Variants in MANBA observed in about 807,000 individuals in gnomAD.
The protein encoded by MANBA is mannosidase beta, also known as beta-mannosidase.
Under a neutral mutation model 111.1 loss-of-function variants are expected in MANBA, and 83 were observed. That is an observed-to-expected ratio of 0.75 (90% CI 0.63 to 0.90). The LOEUF (loss-of-function observed/expected upper bound fraction) is 0.90, where lower values mean the gene tolerates loss of function less well. Among genes scored for constraint, MANBA ranks in the 40% least tolerant of loss-of-function variants. MANBA has a pLI of 0.00. For synonymous variants in MANBA, 370 were observed against 378.7 expected (o/e 0.98, Z 0.27); for missense variants, 1,036 against 1,069.0 (o/e 0.97, Z 0.43).
At chr4:102,737,033 G>A (rs376660298) in intron 1 of MANBA, among the ~76,000 whole-genome samples, 76 of 152,216 alleles carry the variant, frequency 5.0e-4, no homozygotes, top group African/African-American at 1.6e-3. Flanking sequence ...TAATAGTACC[G>A]AGAAAAGAAG....
Position 102,664,980 on chromosome 4 carries a change from T to C in MANBA, c.1318-128A>G. The C allele has an allele frequency of 5.8e-6, 4 of 684,058 alleles. No homozygotes were observed. The South Asian group carries it at 7.2e-5, about 12-fold the overall frequency. 42.4% of individuals were successfully genotyped at this position (684,058 alleles called of 1,614,324 possible). On this transcript the variant is annotated intron_variant, in intron 10 of 16. Transcript: ENST00000647097. Reference sequence around the variant, plus strand: ...ATTCTTATGTGCCAAAAACCTAATTTGAAAATGGCTAGTCATGTTAGCTGC... The same window carrying C: ...ATTCTTATGTGCCAAAAACCTAATTCGAAAATGGCTAGTCATGTTAGCTGC...
intron 1 of MANBA, among the ~76,000 whole-genome samples, chr4:102,733,345 C>T (rs935645037): frequency 6.7e-6 from 1 of 149,468 alleles, no homozygotes; most frequent in Non-Finnish European, 1.5e-5. Context: ...GAAGTCCTCT[C>T]TGCATTTTTT....
At chr4:102,659,524 C>T (rs369704149) in intron 11 of MANBA, among the ~76,000 whole-genome samples, 1 of 152,232 alleles carries the variant, frequency 6.6e-6, no homozygotes, top group Non-Finnish European at 1.5e-5. Flanking sequence ...CTATAGCCAA[C>T]AAACTATCTT....
intron 5 of MANBA, among the ~76,000 whole-genome samples, chr4:102,708,631 G>A (rs1229116152): frequency 6.6e-6 from 1 of 151,674 alleles, no homozygotes. Context: ...AAAATTAGAA[G>A]AAGAAAAGTG....
At chr4:102,722,293 T>C (rs1176227689) in intron 4 of MANBA, 1 of 156,608 alleles carries the variant, frequency 6.4e-6, no homozygotes, top group Admixed American at 6.2e-5. Context: ...TTAAAATTTT[T>C]AAAATATGAA....
At chr4:102,653,209 C>T (rs1049805191) in intron 12 of MANBA, among the ~76,000 whole-genome samples, 1 of 148,288 alleles carries the variant, frequency 6.7e-6, no homozygotes, top group African/African-American at 2.5e-5. Context: ...CGCGCATATG[C>T]AGATCTACAT....
intron 9 of MANBA, among the ~76,000 whole-genome samples, chr4:102,669,754 G>C (rs1164144582): frequency 6.6e-6 from 1 of 152,204 alleles, no homozygotes; most frequent in African/African-American, 2.4e-5. Context: ...GCCAAGGTGG[G>C]CAGATCACGA....
chr4:102,688,386 TACAC>T (rs70937563), intron 7 of MANBA, among the ~76,000 whole-genome samples: 243 of 140,540 alleles, frequency 1.7e-3, no homozygotes, highest in Admixed American at 4.1e-3. Flanking sequence ...CCTCCCCCCT[TACAC>T]ACACACACAC....
At chr4:102,748,711 G>A (rs1314703879) in intron 1 of MANBA, among the ~76,000 whole-genome samples, 1 of 152,068 alleles carries the variant, frequency 6.6e-6, no homozygotes. Context: ...TCAGGAGTTC[G>A]AGACCAGCCT....
chr4:102,760,848 G>A lies in MANBA; in HGVS notation c.47C>T (p.Thr16Ile), dbSNP rs1256826225. ...GCTGTAACTGAGCTCCGCGGCGGTGGTGCCTGCACCGCACAGCGCGAGCAG... is the reference window on the plus strand; with the variant it reads ...GCTGTAACTGAGCTCCGCGGCGGTGATGCCTGCACCGCACAGCGCGAGCAG... ...LLLLALCGAG[T>I]TAAELSYSLR... Residue 16 changes from threonine (T) to isoleucine (I), a missense_variant, in exon 1 of 17, where the codon ACC (threonine) becomes ATC (isoleucine). Transcript: ENST00000647097. The A allele has an allele frequency of 2.5e-6, 4 of 1,571,444 alleles. No individual in the cohort carries two copies. The highest frequency in any genetic ancestry group is 1.8e-5 in the Admixed American group (1 of 54,386).
intron 6 of MANBA, 60 bp downstream of exon 6, chr4:102,690,536 A>T (rs1732425620): frequency 6.6e-7 from 1 of 1,505,524 alleles, no homozygotes; most frequent in Non-Finnish European, 9.2e-7. Context: ...CTTTCTAATC[A>T]TTTCTTTAGC....
intron 1 of MANBA, among the ~76,000 whole-genome samples, chr4:102,732,482 A>G (rs372028022): frequency 4.6e-5 from 7 of 152,356 alleles, no homozygotes; most frequent in African/African-American, 1.7e-4. Flanking sequence ...CCAGTTAGGC[A>G]GTTGCCCAGG....
intron 8 of MANBA, 105 bp from the exon 9 acceptor site, chr4:102,671,503 G>A (rs898405699): frequency 3.4e-5 from 25 of 727,320 alleles, no homozygotes; most frequent in Non-Finnish European, 5.9e-5. Flanking sequence ...CTAAAATCAT[G>A]ATGGTTTGGT....
chr4:102,668,312 A>C (rs1731315636), intron 10 of MANBA: 1 of 153,604 alleles, frequency 6.5e-6, no homozygotes, highest in Non-Finnish European at 1.4e-5. Context: ...ATCCAGGATC[A>C]TTTTATATAT....
chr4:102,731,078 C>A lies in MANBA; in HGVS notation c.178-4395G>T, dbSNP rs188264116. Among the ~76,000 whole-genome samples, 295 of 152,138 alleles carry A rather than the reference C, an allele frequency of 1.9e-3. 1 individual carries two copies. Among genetic ancestry groups the A allele is most frequent in the Middle Eastern group, 0.017 (5 of 294 alleles). ...GGGAGTAGCACAGAGATAGGGACTG[C>A]GTTGAGGATAAAAACCCCCTGGTCT... is the stretch of plus-strand genomic sequence containing the variant. On this transcript the variant is annotated intron_variant, in intron 1 of 16. Transcript: ENST00000647097.
At position 102,710,066 on chromosome 4, in the gene MANBA, G is replaced by A. The variant is rs181955740; in HGVS notation, c.673+4372C>T. Among the ~76,000 whole-genome samples, 37 of 152,196 alleles carry A rather than the reference G, an allele frequency of 2.4e-4. 1 individual carries two copies. The South Asian group carries it at 3.1e-3, about 13-fold the overall frequency. On this transcript the variant is annotated intron_variant, in intron 5 of 16. Coordinates refer to ENST00000647097, the MANE Select transcript of MANBA (RefSeq NM_005908.4). ...CAGAGCTAACATCACACCAAATGAGGAGGAGCTGAAAGTCTTTCCTCTAAG... is the reference window on the plus strand; with the variant it reads ...CAGAGCTAACATCACACCAAATGAGAAGGAGCTGAAAGTCTTTCCTCTAAG...
chr4:102,657,753 C>A lies in MANBA; in HGVS notation c.1633G>T (p.Val545Phe). ...DYISDCWNWK[V>F]FPKARFASEY... ...GATGCAAATCGAGCTTTTGGGAAAA[C>A]TTTCCAGTTCCAGCAATCACTGATA... Residue 545 changes from valine to phenylalanine, a missense_variant, in exon 12 of 17, where the codon GTT becomes TTT. Coordinates refer to ENST00000647097, the MANE Select transcript of MANBA (RefSeq NM_005908.4). 1 of 1,613,942 alleles carries A rather than the reference C, an allele frequency of 6.2e-7. No individual in the cohort carries two copies. Among genetic ancestry groups the A allele is most frequent in the Non-Finnish European group, 8.5e-7 (1 of 1,179,858 alleles).
intron 1 of MANBA, among the ~76,000 whole-genome samples, chr4:102,760,098 A>ACG (rs1202766462): frequency 6.6e-6 from 1 of 151,818 alleles, no homozygotes; most frequent in Non-Finnish European, 1.5e-5. Flanking sequence ...ATACACACAC[A>ACG]CACACACACA....
intron 1 of MANBA, among the ~76,000 whole-genome samples, chr4:102,732,012 A>G (rs1448062526): frequency 6.6e-6 from 1 of 151,890 alleles, no homozygotes; most frequent in African/African-American, 2.4e-5. Context: ...GGTTCAAGCG[A>G]TTCTCCTGCC....
Sources: gnomAD v4.1 joint callset for allele counts (sites outside exome capture counted in the v4.1 genomes callset) on GRCh38, gnomAD v4.1.1 for gene constraint, MANE v1.5 for transcripts, NCBI Gene and HGNC (gene_info 2026-07-23, HGNC 2026-07-21) for gene names.